The following GCNT1 variants were observed in gnomAD, a reference collection of about 807,000 sequenced individuals.
GCNT1 encodes the protein glucosaminyl (N-acetyl) transferase 1.
A neutral mutation model predicts 26.2 loss-of-function variants in GCNT1; 16 were observed. The observed-to-expected ratio is 0.61, with a 90% CI of 0.41 to 0.93. GCNT1 has a LOEUF of 0.93. GCNT1 is among the 40% of genes least tolerant of loss of function. The pLI is 0.00. For missense variants in GCNT1, 477 were observed against 526.7 expected (o/e 0.91, Z 0.92); for synonymous variants, 183 against 190.8 (o/e 0.96, Z 0.34).
chr9:76,452,217 C>T (rs1823679298), intron 1 of GCNT1, among the ~76,000 whole-genome samples: 1 of 152,128 alleles, frequency 6.6e-6, no homozygotes, highest in Non-Finnish European at 1.5e-5. Flanking sequence ...GATCCACCCA[C>T]CTTGGCCTCC....
chr9:76,418,908 A>C (rs1376296136), upstream of GCNT1, among the ~76,000 whole-genome samples: 1 of 152,168 alleles, frequency 6.6e-6, no homozygotes, highest in Non-Finnish European at 1.5e-5. Flanking sequence ...GAGGGGATGG[A>C]AGGCAATTGT....
intron 1 of GCNT1, among the ~76,000 whole-genome samples, chr9:76,426,991 C>T (rs1823265341): frequency 6.6e-6 from 1 of 152,122 alleles, no homozygotes; most frequent in South Asian, 2.1e-4. Flanking sequence ...AGTTAAAGTC[C>T]TAACCCCTAG....
At chr9:76,399,218 A>C in the GCNT1 span, 1 of 1,495,002 alleles carries the variant, frequency 6.7e-7, no homozygotes, top group Non-Finnish European at 9.2e-7. Flanking sequence ...AGTGGGTTTG[A>C]TGTGGTAGAT....
At chr9:76,495,209 C>T (rs1824873135) in intron 2 of GCNT1, among the ~76,000 whole-genome samples, 1 of 152,132 alleles carries the variant, frequency 6.6e-6, no homozygotes, top group South Asian at 2.1e-4. Context: ...CTTGGTCTCG[C>T]TGACCAAGAA....
chr9:76,494,825 C>T (rs558535008), intron 2 of GCNT1, among the ~76,000 whole-genome samples: 16 of 152,228 alleles, frequency 1.1e-4, no homozygotes, highest in African/African-American at 3.4e-4. Flanking sequence ...GAGGAGAGTT[C>T]CGCTCTTGGC....
At chr9:76,485,819 G>A (rs956672294) in intron 2 of GCNT1, among the ~76,000 whole-genome samples, 10 of 151,410 alleles carry the variant, frequency 6.6e-5, no homozygotes, top group Admixed American at 1.3e-4. Context: ...TGCAACCTCC[G>A]CCTCCCAGGT....
chr9:76,495,770 AG>A (rs1172617950), intron 2 of GCNT1, among the ~76,000 whole-genome samples: 21 of 152,332 alleles, frequency 1.4e-4, no homozygotes, highest in African/African-American at 4.6e-4. Flanking sequence ...GGGAGTGGCA[AG>A]GTCATATAGC....
In GCNT1 at chr9:76,493,108, T is replaced by G. The variant is rs568285561; in HGVS notation, c.-289-7808T>G. 1.7e-3 allele frequency among the ~76,000 whole-genome samples: 262 copies of G among 152,314 alleles called. 4 individuals are homozygous for G. The highest frequency in any genetic ancestry group is 6.8e-3 in the Middle Eastern group (2 of 294). ...GGCAGAAGGATTCTCTTCCTTGCCCTGAGTTATGGTGGACATCATTGAATA... is the reference window on the plus strand; with the variant it reads ...GGCAGAAGGATTCTCTTCCTTGCCCGGAGTTATGGTGGACATCATTGAATA... On this transcript the variant is annotated intron_variant, in intron 2 of 3. Transcript: ENST00000376730.
At chr9:76,419,674 A>G (rs1823164682), upstream of GCNT1, among the ~76,000 whole-genome samples, 1 of 151,682 alleles carries the variant, frequency 6.6e-6, no homozygotes, top group South Asian at 2.1e-4. Flanking sequence ...ATAAAAAAGA[A>G]AGAGAAAGGG....
chr9:76,453,300 G>T (rs1355848717), intron 1 of GCNT1, among the ~76,000 whole-genome samples: 1 of 152,168 alleles, frequency 6.6e-6, no homozygotes, highest in Non-Finnish European at 1.5e-5. Flanking sequence ...GTAGATGGGT[G>T]AAGGAGGTGG....
At chr9:76,460,357 G>T (rs1203831678) in intron 2 of GCNT1, among the ~76,000 whole-genome samples, 180 bp downstream of exon 2, 2 of 152,074 alleles carry the variant, frequency 1.3e-5, no homozygotes, top group Non-Finnish European at 2.9e-5. Flanking sequence ...AGATGAGAAT[G>T]CGGCCACAGC....
At chr9:76,408,069 C>T in the GCNT1 span, among the ~76,000 whole-genome samples, 2 of 152,164 alleles carry the variant, frequency 1.3e-5, no homozygotes, top group African/African-American at 4.8e-5. Flanking sequence ...TTCAGATCAT[C>T]TGCAAACAAA....
the GCNT1 span, among the ~76,000 whole-genome samples, chr9:76,402,882 G>T: frequency 6.6e-6 from 1 of 152,134 alleles, no homozygotes; most frequent in Admixed American, 6.5e-5. Flanking sequence ...GTTTCACCCT[G>T]TTGGCCAGGT....
chr9:76,400,261 T>A, the GCNT1 span, among the ~76,000 whole-genome samples: 1 of 152,130 alleles, frequency 6.6e-6, no homozygotes, highest in Admixed American at 6.6e-5. Context: ...TTTGAATAAT[T>A]AATCTAAAAA....
In GCNT1 at chr9:76,504,725, GT is replaced by G. The variant is rs1230364132; in HGVS notation, c.*1061del. 6 of 413,376 alleles carry G rather than the reference GT, an allele frequency of 1.5e-5. No homozygotes were observed. The highest frequency in any genetic ancestry group is 1.2e-4 in the African/African-American group (6 of 48,634). 25.6% of individuals were successfully genotyped at this position (413,376 alleles called of 1,614,324 possible). A position where few individuals can be genotyped will look rare whatever the true frequency, so the allele number is the denominator to read the frequency against. On this transcript the variant is annotated 3_prime_UTR_variant, in exon 4 of 4. Coordinates refer to ENST00000376730, the MANE Select transcript of GCNT1 (RefSeq NM_001490.5). Reference sequence around the variant, plus strand: ...CACTTGTGTCCAACCTCCCAGGATTGTTTTATCCTAATGTCACCTGTATATT... The same window carrying G: ...CACTTGTGTCCAACCTCCCAGGATTGTTTATCCTAATGTCACCTGTATATT...
chr9:76,502,408 A>G lies in GCNT1; in HGVS notation c.27A>G (p.Arg9=). 1 of 1,612,490 alleles carries G rather than the reference A, an allele frequency of 6.2e-7. No homozygotes were observed. Among genetic ancestry groups the G allele is most frequent in the Non-Finnish European group, 8.5e-7 (1 of 1,178,958 alleles). The part of the protein sequence containing the change: MLRTLLRR[R]LFSYPTKYYF... ...TGCTGAGGACGTTGCTGCGAAGGAG[A>G]CTTTTTTCTTATCCCACCAAATACT... The change falls in exon 4 of 4, where the codon AGA becomes AGG. Residue 9 remains arginine, a synonymous_variant. Coordinates refer to ENST00000376730, the MANE Select transcript of GCNT1 (RefSeq NM_001490.5).
intron 2 of GCNT1, among the ~76,000 whole-genome samples, chr9:76,485,933 A>G (rs1448307447): frequency 6.6e-6 from 1 of 152,218 alleles, no homozygotes; most frequent in Non-Finnish European, 1.5e-5. Context: ...AGGTTTCGCC[A>G]TATCGGCCAG....
At chr9:76,436,397 G>T (rs1175138730) in intron 1 of GCNT1, among the ~76,000 whole-genome samples, 1 of 151,752 alleles carries the variant, frequency 6.6e-6, no homozygotes, top group African/African-American at 2.4e-5. Flanking sequence ...AGATCAGCCT[G>T]GCCAACATGG....
intron 2 of GCNT1, among the ~76,000 whole-genome samples, chr9:76,462,453 T>G (rs1168270363): frequency 6.6e-6 from 1 of 152,180 alleles, no homozygotes; most frequent in Non-Finnish European, 1.5e-5. Context: ...TAAATTCTGT[T>G]GTGGGGGCTG....
Sources: gnomAD v4.1 joint callset for allele counts (sites outside exome capture counted in the v4.1 genomes callset) on GRCh38, gnomAD v4.1.1 for gene constraint, MANE v1.5 for transcripts, NCBI Gene and HGNC (gene_info 2026-07-23, HGNC 2026-07-21) for gene names.